Variants in GABBR2 observed in about 807,000 individuals in gnomAD.
GABBR2 encodes the protein G-protein coupled receptor 51.
In GABBR2, 23 loss-of-function variants were observed where a neutral mutation model predicts 105.6. The observed-to-expected ratio is 0.22, with a 90% CI of 0.16 to 0.31. The LOEUF (loss-of-function observed/expected upper bound fraction) is 0.31, where lower values mean the gene tolerates loss of function less well. GABBR2 is among the 10% of genes least tolerant of loss of function. GABBR2 has a pLI of 1.00. For synonymous variants in GABBR2, 478 were observed against 499.7 expected (o/e 0.96, Z 0.58); for missense variants, 734 against 1,245.5 (o/e 0.59, Z 6.18).
chr9:98,447,206 C>T (rs1327789987), intron 7 of GABBR2, among the ~76,000 whole-genome samples: 7 of 140,212 alleles, frequency 5.0e-5, no homozygotes, highest in East Asian at 2.2e-4. Context: ...GGACTACAGG[C>T]GCCCGCCACT....
At chr9:98,700,761 A>G (rs1830819729) in intron 1 of GABBR2, among the ~76,000 whole-genome samples, 1 of 152,158 alleles carries the variant, frequency 6.6e-6, no homozygotes, top group Non-Finnish European at 1.5e-5. Flanking sequence ...ATGGGTAGAA[A>G]TAATATGTGT....
chr9:98,492,798 T>C (rs953323625), intron 4 of GABBR2, among the ~76,000 whole-genome samples: 1 of 152,210 alleles, frequency 6.6e-6, no homozygotes, highest in Admixed American at 6.5e-5. Flanking sequence ...AGAGGTAAAG[T>C]TATTCCCATC....
intron 13 of GABBR2, among the ~76,000 whole-genome samples, chr9:98,339,528 T>C (rs1831173116): frequency 6.6e-6 from 1 of 152,124 alleles, no homozygotes; most frequent in Non-Finnish European, 1.5e-5. Flanking sequence ...TGGCAGATGA[T>C]AAGAGATGAC....
At chr9:98,349,349 GTTTT>G (rs1182072320) in intron 13 of GABBR2, among the ~76,000 whole-genome samples, 1 of 24,214 alleles carries the variant, frequency 4.1e-5, no homozygotes, top group African/African-American at 1.5e-4. Flanking sequence ...TTGAAGTTTT[GTTTT>G]TTTTTTTTTT....
At chr9:98,474,361 T>C (rs1826746546) in intron 5 of GABBR2, among the ~76,000 whole-genome samples, 1 of 152,138 alleles carries the variant, frequency 6.6e-6, no homozygotes, top group African/African-American at 2.4e-5. Flanking sequence ...AGGAAAATCA[T>C]GGTTTTTGAT....
chr9:98,521,541 C>T (rs1827866221), intron 3 of GABBR2, among the ~76,000 whole-genome samples: 1 of 152,182 alleles, frequency 6.6e-6, no homozygotes, highest in Non-Finnish European at 1.5e-5. Flanking sequence ...GGCCTAGGCA[C>T]CTTGCAGACA....
rs371155466 is a variant in GABBR2, at chr9:98,495,626, A to G, written c.732+787T>C. Among the ~76,000 whole-genome samples, 5 of 152,242 alleles carry G rather than the reference A, an allele frequency of 3.3e-5. No homozygotes were observed. The East Asian group carries it at 9.7e-4, about 29-fold the overall frequency. On this transcript the variant is annotated intron_variant, in intron 4 of 18. Coordinates refer to ENST00000259455, the MANE Select transcript of GABBR2 (RefSeq NM_005458.8). Reference sequence around the variant, plus strand: ...GAATTCCTGCTGATTCTAAGCCATGATGAGCATGGCTACCCTACCCTCTGA... The same window carrying G: ...GAATTCCTGCTGATTCTAAGCCATGGTGAGCATGGCTACCCTACCCTCTGA...
chr9:98,372,635 T>A, intron 11 of GABBR2, among the ~76,000 whole-genome samples: 1 of 152,174 alleles, frequency 6.6e-6, no homozygotes, highest in East Asian at 1.9e-4. Flanking sequence ...TAGCTTTGCT[T>A]GGCTTCCCCA....
intron 1 of GABBR2, among the ~76,000 whole-genome samples, chr9:98,698,122 C>T (rs915120890): frequency 1.3e-5 from 2 of 152,158 alleles, no homozygotes; most frequent in African/African-American, 2.4e-5. Flanking sequence ...TGACCCTGTA[C>T]CATGAGAGCA....
At chr9:98,538,588 C>A (rs1196845936) in intron 3 of GABBR2, 1 of 983,932 alleles carries the variant, frequency 1.0e-6, no homozygotes, top group Admixed American at 6.1e-5. Flanking sequence ...AGCAGCTGGT[C>A]CCCAGGTGGG....
intron 3 of GABBR2, among the ~76,000 whole-genome samples, chr9:98,511,059 C>G (rs1829755867): frequency 6.6e-6 from 1 of 152,236 alleles, no homozygotes; most frequent in Admixed American, 6.5e-5. Context: ...AACTGCCTCT[C>G]AGACCACAGT....
chr9:98,609,188 CAT>C (rs1010565851), intron 1 of GABBR2, among the ~76,000 whole-genome samples: 2 of 152,194 alleles, frequency 1.3e-5, no homozygotes, highest in African/African-American at 4.8e-5. Context: ...CTGCAATTGA[CAT>C]AGAATCATTT....
At position 98,403,062 on chromosome 9, in the gene GABBR2, G is replaced by A. The variant is rs1043146307; in HGVS notation, c.1297+3019C>T. Among the ~76,000 whole-genome samples the A allele has an allele frequency of 5.9e-5, 9 of 152,220 alleles. No individual in the cohort carries two copies. In the East Asian group the frequency reaches 1.4e-3, roughly 23 times the overall value. On this transcript the variant is annotated intron_variant, in intron 8 of 18. Coordinates refer to ENST00000259455, the MANE Select transcript of GABBR2 (RefSeq NM_005458.8). ...TGTAATCTCAGCACTTTGGGAGGCCGAGGTGGGCAGACTGCGAGGTCAGGA... is the reference window on the plus strand; with the variant it reads ...TGTAATCTCAGCACTTTGGGAGGCCAAGGTGGGCAGACTGCGAGGTCAGGA...
chr9:98,335,842 A>C (rs939347659), intron 13 of GABBR2, among the ~76,000 whole-genome samples: 7 of 149,214 alleles, frequency 4.7e-5, no homozygotes, highest in African/African-American at 7.4e-5. Flanking sequence ...CTTGTCCATC[A>C]TCCATTCATT....
At chr9:98,447,860 T>C (rs1826164228) in intron 7 of GABBR2, among the ~76,000 whole-genome samples, 1 of 151,970 alleles carries the variant, frequency 6.6e-6, no homozygotes, top group South Asian at 2.1e-4. Flanking sequence ...GAGCATTTTT[T>C]GAGTCTTAGT....
intron 1 of GABBR2, among the ~76,000 whole-genome samples, chr9:98,703,430 G>A (rs1474835535): frequency 1.3e-5 from 2 of 152,194 alleles, no homozygotes; most frequent in Admixed American, 6.5e-5. Context: ...TGGGGGTGCA[G>A]CTGCAAAGAA....
chr9:98,390,871 A>C (rs561553976), intron 9 of GABBR2, among the ~76,000 whole-genome samples: 2 of 152,256 alleles, frequency 1.3e-5, no homozygotes, highest in East Asian at 1.9e-4. Flanking sequence ...AAAATTGACA[A>C]TAGACAAGAG....
chr9:98,541,839 T>A (rs774106740), intron 3 of GABBR2, 34 bp downstream of exon 3: 1 of 1,606,208 alleles, frequency 6.2e-7, no homozygotes, highest in South Asian at 1.1e-5. Context: ...CAGCAAGCAG[T>A]AAGGCAGGCC....
intron 3 of GABBR2, among the ~76,000 whole-genome samples, chr9:98,513,059 T>C (rs79271431): frequency 0.35 from 52,260 of 151,382 alleles, 9,189 homozygotes; most frequent in Middle Eastern, 0.49. Flanking sequence ...AAAACAGAGA[T>C]ATAGACCAAT....
Sources: gnomAD v4.1 joint callset for allele counts (sites outside exome capture counted in the v4.1 genomes callset) on GRCh38, gnomAD v4.1.1 for gene constraint, MANE v1.5 for transcripts, NCBI Gene and HGNC (gene_info 2026-07-23, HGNC 2026-07-21) for gene names.